RBM45: variants seen among roughly 807,000 people sequenced by gnomAD.
RBM45 encodes RNA binding motif protein 45, also known as RNA-binding protein 45.
Under a neutral mutation model 58.5 loss-of-function variants are expected in RBM45, and 39 were observed. The ratio of observed to expected loss-of-function variants is 0.67; its 90% CI spans 0.52 to 0.87. RBM45 has a LOEUF of 0.87. Among genes scored for constraint, RBM45 ranks in the 40% least tolerant of loss-of-function variants. RBM45 has a pLI of 0.00. For synonymous variants in RBM45, 193 were observed against 203.0 expected (o/e 0.95, Z 0.42); for missense variants, 481 against 581.6 (o/e 0.83, Z 1.78).
intron 3 of RBM45, among the ~76,000 whole-genome samples, chr2:178,136,308 TCAAA>T (rs113750093): frequency 5.9e-5 from 9 of 152,316 alleles, no homozygotes; most frequent in African/African-American, 2.2e-4. Context: ...AGACTCCGTC[TCAAA>T]CAAACAAAAA....
intron 9 of RBM45, among the ~76,000 whole-genome samples, chr2:178,126,651 A>G (rs1416866969): frequency 1.3e-5 from 2 of 152,198 alleles, no homozygotes; most frequent in Non-Finnish European, 2.9e-5. Context: ...ATCAAATAAT[A>G]TATCATTTTT....
downstream of RBM45, among the ~76,000 whole-genome samples, chr2:178,132,863 C>T (rs1319050658): frequency 1.3e-5 from 2 of 152,208 alleles, no homozygotes; most frequent in African/African-American, 4.8e-5. Flanking sequence ...GCTGGGATTA[C>T]AGGCGTGAAC....
intron 9 of RBM45, 137 bp from the exon 10 acceptor site, chr2:178,129,260 G>A (rs2087975952): frequency 6.6e-6 from 1 of 152,110 alleles, no homozygotes; most frequent in Non-Finnish European, 1.5e-5. Flanking sequence ...TTTATTTGGG[G>A]GCAGCTATGA....
At chr2:178,135,085 A>G (rs1464374973) in intron 3 of RBM45, among the ~76,000 whole-genome samples, 2 of 152,232 alleles carry the variant, frequency 1.3e-5, no homozygotes, top group African/African-American at 2.4e-5. Context: ...ACATTCTTAT[A>G]TCATTGCCCC....
chr2:178,130,081 A>T (rs896706275), downstream of RBM45, among the ~76,000 whole-genome samples: 1 of 152,246 alleles, frequency 6.6e-6, no homozygotes, highest in Non-Finnish European at 1.5e-5. Flanking sequence ...AAACTTTCTG[A>T]TAATAAATTT....
At chr2:178,137,593 A>G (rs1050619288) in exon 4 of RBM45, 1 of 151,852 alleles carries the variant, frequency 6.6e-6, no homozygotes, top group Admixed American at 6.5e-5. Context: ...CAACCAGCCA[A>G]CAAAAGATGT....
downstream of RBM45, chr2:178,133,772 G>C (rs1276166712): frequency 6.6e-6 from 1 of 152,044 alleles, no homozygotes; most frequent in Non-Finnish European, 1.5e-5. Flanking sequence ...TCAGTAAAGA[G>C]AAAACAAAAA....
intron 9 of RBM45, among the ~76,000 whole-genome samples, chr2:178,127,270 G>A (rs1191704723): frequency 1.3e-5 from 2 of 152,174 alleles, no homozygotes; most frequent in Non-Finnish European, 2.9e-5. Context: ...AATTTCAGGG[G>A]AAGCCGTTTT....
chr2:178,121,259 A>G lies in RBM45; in HGVS notation c.753A>G (p.Val251=). The G allele has an allele frequency of 1.3e-6, 2 of 1,599,126 alleles. No individual in the cohort carries two copies. Among genetic ancestry groups the G allele is most frequent in the Non-Finnish European group, 1.7e-6 (2 of 1,170,134 alleles). The change falls in exon 5 of 10, where the codon GTA becomes GTG. Residue 251 remains valine, a synonymous_variant. Coordinates refer to ENST00000286070, the MANE Select transcript of RBM45 (RefSeq NM_152945.4). ...QEAISKRLSV[V]SRVPFTEEQL... is the part of the protein sequence containing the mutation. ...CAATCTCCAAACGCTTGTCAGTTGT[A>G]TCAAGAGTTCCTTTCACTGAAGAAC...
chr2:178,135,542 A>G (rs1221619765), intron 3 of RBM45, among the ~76,000 whole-genome samples: 1 of 152,224 alleles, frequency 6.6e-6, no homozygotes, highest in Non-Finnish European at 1.5e-5. Context: ...CAAAGGAGGT[A>G]TTTCACACAC....
Position 178,126,044 on chromosome 2 carries a change from G to C in RBM45, c.1293G>C (p.Lys431Asn). The C allele has an allele frequency of 6.2e-7, 1 of 1,614,036 alleles. No individual in the cohort carries two copies. Among genetic ancestry groups the C allele is most frequent in the Non-Finnish European group, 8.5e-7 (1 of 1,179,918 alleles). The change falls in exon 9 of 10, where the codon AAG (lysine) becomes AAC (asparagine). Residue 431 changes from lysine (K) to asparagine (N), a missense_variant. Transcript: ENST00000286070. ...CAGGAAAAAATGTGGGGTATGCCAA[G>C]TATGCCGATAGAATAAGTGCTAATG... ...LVSGKNVGYA[K>N]YADRISANDA...
Position 178,126,018 on chromosome 2 carries a change from T to G in RBM45, c.1267T>G (p.Ser423Ala). 6.2e-7 allele frequency: 1 copy of G among 1,613,832 alleles called. No individual in the cohort carries two copies. The change falls in exon 9 of 10, where the codon TCA becomes GCA. Residue 423 changes from serine to alanine, a missense_variant. Transcript: ENST00000286070. Reference protein sequence around the residue: ...FGNLIEVYLVSGKNVGYAKYA... With the variant: ...FGNLIEVYLVAGKNVGYAKYA... The stretch of plus-strand genomic sequence containing the variant: ...TAACCTGATCGAAGTTTACCTTGTG[T>G]CAGGAAAAAATGTGGGGTATGCCAA...
At position 178,123,927 on chromosome 2, in the gene RBM45, A is replaced by G. The variant is rs2087891317; in HGVS notation, c.1068+15A>G. 8 of 1,601,600 alleles carry G rather than the reference A, an allele frequency of 5.0e-6. No homozygotes were observed. The Admixed American group carries it at 8.4e-5, about 17-fold the overall frequency. On this transcript the variant is annotated intron_variant, in intron 7 of 9. Coordinates refer to ENST00000286070, the MANE Select transcript of RBM45 (RefSeq NM_152945.4). ...AACAATTTATGGTAAGTAGGTAAGA[A>G]TTTAACCTTTATAATATATCAATAG...
At chr2:178,134,052 T>TA, downstream of RBM45, among the ~76,000 whole-genome samples, 1 of 152,320 alleles carries the variant, frequency 6.6e-6, no homozygotes, top group African/African-American at 2.4e-5. Context: ...TTGAGAAAGT[T>TA]ACGAGGCCCT....
intron 1 of RBM45, among the ~76,000 whole-genome samples, chr2:178,115,029 G>A (rs2087753892): frequency 1.3e-5 from 2 of 152,160 alleles, no homozygotes; most frequent in Non-Finnish European, 1.5e-5. Context: ...GGATCTGTAA[G>A]ACAACAATAT....
At chr2:178,128,595 A>G (rs757529980) in intron 9 of RBM45, among the ~76,000 whole-genome samples, 2 of 152,158 alleles carry the variant, frequency 1.3e-5, no homozygotes, top group African/African-American at 2.4e-5. Flanking sequence ...GAGGAATTGC[A>G]TTTTCAGCAT....
In RBM45 at chr2:178,119,537, G is replaced by A. The variant is rs559635067; in HGVS notation, c.551-750G>A. 1.1e-3 allele frequency among the ~76,000 whole-genome samples: 173 copies of A among 152,326 alleles called. No homozygotes were observed. In the Middle Eastern group the frequency reaches 0.014, roughly 12 times the overall value. ...GTTAGGAAAAGTTCAAGGTTAGTCC[G>A]CATTAGGATTCCTTTGTAGATTGTT... is the stretch of plus-strand genomic sequence containing the variant. On this transcript the variant is annotated intron_variant, in intron 3 of 9. Coordinates refer to ENST00000286070, the MANE Select transcript of RBM45 (RefSeq NM_152945.4).
In RBM45 at chr2:178,123,816, TA is replaced by T. The variant is rs560354230; in HGVS notation, c.984-11del. On this transcript the variant is annotated splice_polypyrimidine_tract_variant and intron_variant, in intron 6 of 9. Coordinates refer to ENST00000286070, the MANE Select transcript of RBM45 (RefSeq NM_152945.4). Reference sequence around the variant, plus strand: ...TTTTAGTTTTCTGTAAATTATCAGTTATTTTTTCCAGTCTCCTTAGAAAAAT... The same window carrying T: ...TTTTAGTTTTCTGTAAATTATCAGTTTTTTTTCCAGTCTCCTTAGAAAAAT... 1.3e-3 allele frequency: 2,097 copies of T among 1,612,798 alleles called. 3 individuals carry two copies. Among genetic ancestry groups the T allele is most frequent in the Non-Finnish European group, 1.6e-3 (1,913 of 1,179,524 alleles).
At chr2:178,122,745 T>A (rs1181126681) in intron 5 of RBM45, among the ~76,000 whole-genome samples, 1 of 152,208 alleles carries the variant, frequency 6.6e-6, no homozygotes, top group Non-Finnish European at 1.5e-5. Flanking sequence ...TCGAATCTCA[T>A]TTGAATTAAC....
Sources: allele counts gnomAD v4.1 joint callset (sites outside exome capture counted in the v4.1 genomes callset), GRCh38; gene constraint gnomAD v4.1.1; transcripts MANE v1.5; gene names NCBI Gene and HGNC (gene_info 2026-07-23, HGNC 2026-07-21).